The following TMEM232 variants were observed in gnomAD, a reference collection of about 807,000 sequenced individuals.
The protein encoded by TMEM232 is transmembrane protein 232.
In TMEM232, 80 loss-of-function variants were observed where a neutral mutation model predicts 78.8. The ratio of observed to expected loss-of-function variants is 1.01; its 90% confidence interval spans 0.85 to 1.22. The LOEUF (loss-of-function observed/expected upper bound fraction) is 1.22. Among genes scored for constraint, TMEM232 ranks in the 50% most tolerant of loss-of-function variants. TMEM232 has a pLI of 0.00. For missense variants in TMEM232, 881 were observed against 742.2 expected (o/e 1.19, Z -2.17); for synonymous variants, 297 against 254.3 (o/e 1.17, Z -1.60).
At chr5:110,524,759 T>A (rs554378368) in intron 12 of TMEM232, among the ~76,000 whole-genome samples, 1 of 152,318 alleles carries the variant, frequency 6.6e-6, no homozygotes, top group African/African-American at 2.4e-5. Flanking sequence ...ATATCTTCTA[T>A]TATTTTGTAT....
At chr5:110,450,535 C>T (rs1241398768) in intron 12 of TMEM232, among the ~76,000 whole-genome samples, 1 of 152,064 alleles carries the variant, frequency 6.6e-6, no homozygotes, top group Non-Finnish European at 1.5e-5. Context: ...CCTGGATTCA[C>T]TCTCCCTGTT....
intron 5 of TMEM232, among the ~76,000 whole-genome samples, chr5:110,633,052 A>G (rs1785340225): frequency 6.6e-6 from 1 of 152,136 alleles, no homozygotes; most frequent in South Asian, 2.1e-4. Flanking sequence ...CTACAGGCCA[A>G]GAGAGAATGG....
At chr5:110,631,817 C>A (rs1442738084) in intron 5 of TMEM232, among the ~76,000 whole-genome samples, 1 of 152,064 alleles carries the variant, frequency 6.6e-6, no homozygotes, top group Admixed American at 6.6e-5. Context: ...AAGGTTGTCC[C>A]ACAACTGCTA....
At chr5:110,719,609 T>G (rs1463322702) in intron 1 of TMEM232, among the ~76,000 whole-genome samples, 1 of 152,072 alleles carries the variant, frequency 6.6e-6, no homozygotes, top group Non-Finnish European at 1.5e-5. Context: ...CAGATTTGCT[T>G]CCTCCCTCTT....
intron 2 of TMEM232, among the ~76,000 whole-genome samples, chr5:110,650,002 G>A (rs1031509571): frequency 1.1e-4 from 16 of 152,118 alleles, no homozygotes; most frequent in African/African-American, 3.9e-4. Context: ...TGCTTTGAAA[G>A]TTAAATGAAA....
At chr5:110,681,564 T>C (rs1241805777) in intron 1 of TMEM232, among the ~76,000 whole-genome samples, 1 of 152,302 alleles carries the variant, frequency 6.6e-6, no homozygotes, top group Middle Eastern at 3.4e-3. Flanking sequence ...GTGAGAGAGA[T>C]TAAATATCTA....
chr5:110,605,213 G>A lies in TMEM232; in HGVS notation c.1172C>T (p.Ser391Leu), dbSNP rs1203863449. 6.4e-7 allele frequency: 1 copy of A among 1,550,652 alleles called. No homozygotes were observed. Among genetic ancestry groups the A allele is most frequent in the Non-Finnish European group, 8.7e-7 (1 of 1,146,600 alleles). The change falls in exon 10 of 14, where the codon TCA becomes TTA. Residue 391 changes from serine to leucine, a missense_variant. Transcript: ENST00000455884. ...ALIGFCHCKS[S>L]QKNILYLDKS... ...GTCCAAGTATAAAATATTTTTTTGT[G>A]AACTTTTACAGTGACAGAAACCAAT...
intron 1 of TMEM232, among the ~76,000 whole-genome samples, chr5:110,714,318 T>C (rs1026617608): frequency 5.3e-5 from 8 of 152,190 alleles, no homozygotes; most frequent in Admixed American, 2.6e-4. Context: ...TAACCCTATA[T>C]ACAGTGGTAA....
chr5:110,502,425 C>G lies in TMEM232; in HGVS notation c.1703+26163G>C, dbSNP rs549240081. Among the ~76,000 whole-genome samples, 167 of 152,248 alleles carry G rather than the reference C, an allele frequency of 1.1e-3. 4 individuals carry two copies. The South Asian group carries it at 0.033, about 30-fold the overall frequency. ...AGGAATTTTCAATAATTAGTATAAA[C>G]CTAGGTCATTTTCAAGACCAGTTTT... On this transcript the variant is annotated intron_variant, in intron 12 of 13. Coordinates refer to ENST00000455884, the MANE Select transcript of TMEM232 (RefSeq NM_001039763.4).
intron 12 of TMEM232, among the ~76,000 whole-genome samples, chr5:110,486,570 G>C (rs1466111566): frequency 6.6e-6 from 1 of 152,050 alleles, no homozygotes; most frequent in Admixed American, 6.6e-5. Flanking sequence ...TTGTTGAAAA[G>C]GGTATCCTTT....
chr5:110,478,097 A>G (rs899834739), intron 12 of TMEM232, among the ~76,000 whole-genome samples: 17 of 151,922 alleles, frequency 1.1e-4, no homozygotes, highest in African/African-American at 4.1e-4. Flanking sequence ...CAAGAATTGC[A>G]TCTTTTATTC....
At chr5:110,505,005 T>G (rs1766705681) in intron 12 of TMEM232, among the ~76,000 whole-genome samples, 1 of 152,246 alleles carries the variant, frequency 6.6e-6, no homozygotes, top group Admixed American at 6.5e-5. Context: ...TTCTTATTCA[T>G]GTATACCTTC....
chr5:110,549,531 C>T (rs1774197528), intron 11 of TMEM232, among the ~76,000 whole-genome samples: 1 of 143,734 alleles, frequency 7.0e-6, no homozygotes, highest in Non-Finnish European at 1.5e-5. Context: ...AGTAGAGTCG[C>T]TTGAGCACAG....
intron 1 of TMEM232, among the ~76,000 whole-genome samples, chr5:110,670,624 T>G (rs1277912018): frequency 8.8e-5 from 13 of 148,568 alleles, no homozygotes; most frequent in Admixed American, 4.0e-4. Flanking sequence ...CAAATGGGAT[T>G]TTTTTTTCAG....
In TMEM232 at chr5:110,527,014, C is replaced by T. The variant is rs550738231; in HGVS notation, c.1703+1574G>A. ...AATGAAGGGGGAAAAATTAAAAACACTAATAATGTATTATATTTGCATTTT... is the reference window on the plus strand; with the variant it reads ...AATGAAGGGGGAAAAATTAAAAACATTAATAATGTATTATATTTGCATTTT... On this transcript the variant is annotated intron_variant, in intron 12 of 13. Coordinates refer to ENST00000455884, the MANE Select transcript of TMEM232 (RefSeq NM_001039763.4). 3.0e-3 allele frequency among the ~76,000 whole-genome samples: 461 copies of T among 151,732 alleles called. 3 individuals carry two copies. Among genetic ancestry groups the T allele is most frequent in the African/African-American group, 0.011 (440 of 41,430 alleles).
At chr5:110,551,792 G>A (rs919728569) in intron 11 of TMEM232, among the ~76,000 whole-genome samples, 2 of 152,034 alleles carry the variant, frequency 1.3e-5, no homozygotes, top group Non-Finnish European at 2.9e-5. Flanking sequence ...GAACTATTGG[G>A]CTGACAATTG....
chr5:110,463,199 C>T (rs1201058280), intron 12 of TMEM232, among the ~76,000 whole-genome samples: 3 of 152,146 alleles, frequency 2.0e-5, no homozygotes, highest in Non-Finnish European at 2.9e-5. Flanking sequence ...TCAACAACCA[C>T]AACCCTGATC....
intron 1 of TMEM232, among the ~76,000 whole-genome samples, chr5:110,697,464 G>C (rs1381621008): frequency 6.6e-6 from 1 of 151,928 alleles, no homozygotes; most frequent in Non-Finnish European, 1.5e-5. Context: ...TAATTAAACT[G>C]AAGAGCTTCT....
chr5:110,592,211 G>T (rs966391773), intron 10 of TMEM232, among the ~76,000 whole-genome samples: 1 of 152,048 alleles, frequency 6.6e-6, no homozygotes. Context: ...AACATGAAGC[G>T]GAAATCAAAA....
Sources: gnomAD v4.1 joint callset for allele counts (sites outside exome capture counted in the v4.1 genomes callset) on GRCh38, gnomAD v4.1.1 for gene constraint, MANE v1.5 for transcripts, NCBI Gene and HGNC (gene_info 2026-07-23, HGNC 2026-07-21) for gene names.